The following SH3D19 variants were observed in gnomAD, a reference collection of about 807,000 sequenced individuals.
SH3D19 encodes SH3 domain-containing protein 19.
Under a neutral mutation model 112.1 loss-of-function variants are expected in SH3D19, and 58 were observed. That is an observed-to-expected ratio of 0.52 (90% CI 0.42 to 0.64). The LOEUF (loss-of-function observed/expected upper bound fraction) is 0.64, where lower values mean the gene tolerates loss of function less well. SH3D19 is among the 30% of genes least tolerant of loss of function. The probability of loss-of-function intolerance (pLI) is 0.00; values close to 1 mark genes in which losing one functional copy is unlikely to be tolerated. For missense variants in SH3D19, 1,090 were observed against 1,263.4 expected (o/e 0.86, Z 2.08); for synonymous variants, 391 against 448.5 (o/e 0.87, Z 1.62).
intron 2 of SH3D19, among the ~76,000 whole-genome samples, chr4:151,225,692 C>T (rs78465919): frequency 0.052 from 7,930 of 152,030 alleles, 322 homozygotes; most frequent in East Asian, 0.19. Context: ...TACAGTGAGC[C>T]TATATTAGTT....
intron 1 of SH3D19, among the ~76,000 whole-genome samples, chr4:151,294,500 A>G (rs1775565392): frequency 6.6e-6 from 1 of 152,248 alleles, no homozygotes; most frequent in Admixed American, 6.5e-5. Context: ...GGATGCACCA[A>G]GGGTAGGCAC....
chr4:151,155,930 C>T (rs751892370), intron 9 of SH3D19, among the ~76,000 whole-genome samples: 14 of 151,934 alleles, frequency 9.2e-5, no homozygotes, highest in Non-Finnish European at 1.8e-4. Context: ...CCTAAAGACT[C>T]TACCAAAAAA....
At chr4:151,275,091 GTT>G (rs11302117) in intron 1 of SH3D19, among the ~76,000 whole-genome samples, 1 of 146,154 alleles carries the variant, frequency 6.8e-6, no homozygotes, top group Admixed American at 6.8e-5. Context: ...TTCAAGATAC[GTT>G]TTTTTTTTTT....
intron 9 of SH3D19, among the ~76,000 whole-genome samples, chr4:151,153,833 A>G (rs2149787572): frequency 6.6e-6 from 1 of 152,370 alleles, no homozygotes; most frequent in Non-Finnish European, 1.5e-5. Context: ...CATGTGAGGA[A>G]CAAACACAAT....
chr4:151,138,733 C>CAA (rs1256364356), intron 13 of SH3D19, among the ~76,000 whole-genome samples: 1 of 147,858 alleles, frequency 6.8e-6, no homozygotes, highest in African/African-American at 2.6e-5. Flanking sequence ...CACACACACA[C>CAA]AAATTACTTT....
At chr4:151,291,377 G>A (rs1775324676) in intron 1 of SH3D19, 2 of 1,614,002 alleles carry the variant, frequency 1.2e-6, no homozygotes, top group East Asian at 4.5e-5. Flanking sequence ...CACAGAGTAG[G>A]CACTGTAGCT....
intron 17 of SH3D19, among the ~76,000 whole-genome samples, chr4:151,130,044 A>T (rs1318351392): frequency 6.6e-6 from 1 of 152,178 alleles, no homozygotes; most frequent in Non-Finnish European, 1.5e-5. Context: ...TCACTTTATC[A>T]GTGGGTAGGG....
rs1260049840 is a variant in SH3D19 at position 151,121,011 on chromosome 4, T to C, written c.*1080A>G. 2.0e-5 allele frequency: 3 copies of C among 152,710 alleles called. No individual in the cohort carries two copies. The highest frequency in any genetic ancestry group is 7.2e-5 in the African/African-American group (3 of 41,554). The allele number at this position is 152,710 out of a possible 1,614,324, so 9.5% of individuals were successfully genotyped here. On this transcript the variant is annotated 3_prime_UTR_variant, in exon 20 of 20. Transcript: ENST00000604030. ...ATAACAATGGAAAGCAGGAAAGTGG[T>C]TTTTCATTCACTCTAATAATTGTGC...
intron 1 of SH3D19, among the ~76,000 whole-genome samples, chr4:151,233,189 A>G (rs1443241592): frequency 6.6e-6 from 1 of 151,900 alleles, no homozygotes; most frequent in East Asian, 1.9e-4. Context: ...TTGCAGGAAA[A>G]CCAGCTCAGG....
At chr4:151,226,110 G>C in intron 1 of SH3D19, 24 bp from the exon 2 acceptor site, 1 of 1,231,360 alleles carries the variant, frequency 8.1e-7, no homozygotes, top group Non-Finnish European at 1.0e-6. Flanking sequence ...AGATGGTTAC[G>C]TGTCAAAAGG....
intron 1 of SH3D19, among the ~76,000 whole-genome samples, chr4:151,306,299 G>GA (rs1728907292): frequency 6.6e-6 from 1 of 152,088 alleles, no homozygotes; most frequent in African/African-American, 2.4e-5. Flanking sequence ...AATTAAAGAA[G>GA]AAAAGACTAC....
At chr4:151,290,081 G>A (rs1363832757) in intron 1 of SH3D19, among the ~76,000 whole-genome samples, 2 of 152,188 alleles carry the variant, frequency 1.3e-5, no homozygotes, top group Admixed American at 6.5e-5. Flanking sequence ...GAGTGGTTGG[G>A]ATGACAGGCA....
rs1018689828 is a variant in SH3D19 at position 151,153,240 on chromosome 4, A to C, written c.1756-3679T>G. Among the ~76,000 whole-genome samples, 12 of 152,142 alleles carry C rather than the reference A, an allele frequency of 7.9e-5. 1 individual carries two copies. The South Asian group carries it at 2.5e-3, about 32-fold the overall frequency. On this transcript the variant is annotated intron_variant, in intron 9 of 19. Coordinates refer to ENST00000604030, the MANE Select transcript of SH3D19 (RefSeq NM_001378122.1). ...TTCTTATCTTTTTTCTCCAAGAATTAGCACTACTTCTTTTTTTATTTTTTA... is the reference window on the plus strand; with the variant it reads ...TTCTTATCTTTTTTCTCCAAGAATTCGCACTACTTCTTTTTTTATTTTTTA...
rs182014055 is a variant in SH3D19, at chr4:151,275,411, T to C, written c.113-49325A>G. Among the ~76,000 whole-genome samples the C allele has an allele frequency of 3.7e-4, 56 of 152,250 alleles. 1 individual carries two copies. Among genetic ancestry groups the C allele is most frequent in the African/African-American group, 1.2e-3 (48 of 41,550 alleles). On this transcript the variant is annotated intron_variant, in intron 1 of 19. Coordinates refer to ENST00000604030, the MANE Select transcript of SH3D19 (RefSeq NM_001378122.1). ...CTCAAGATACATTTTTGAGGAGACATAATTCAGCTCAAAACAATAGCTTTA... is the reference window on the plus strand; with the variant it reads ...CTCAAGATACATTTTTGAGGAGACACAATTCAGCTCAAAACAATAGCTTTA...
chr4:151,132,421 C>T, intron 16 of SH3D19, 38 bp from the exon 17 acceptor site: 1 of 1,589,322 alleles, frequency 6.3e-7, no homozygotes, highest in Non-Finnish European at 8.6e-7. Context: ...GAAGTCAGAA[C>T]ATTAGATGTG....
At chr4:151,148,376 T>C (rs1217260940) in intron 10 of SH3D19, among the ~76,000 whole-genome samples, 190 bp from the exon 11 acceptor site, 1 of 152,106 alleles carries the variant, frequency 6.6e-6, no homozygotes, top group Non-Finnish European at 1.5e-5. Context: ...GCATTAAACA[T>C]TACATTATTA....
intron 2 of SH3D19, among the ~76,000 whole-genome samples, chr4:151,195,071 TAAA>T (rs35607961): frequency 8.1e-6 from 1 of 123,364 alleles, no homozygotes; most frequent in Non-Finnish European, 1.7e-5. Context: ...AAGACCATCT[TAAA>T]AAAAAAAAAA....
At position 151,226,691 on chromosome 4, in the gene SH3D19, C is replaced by T. The variant is rs188639239; in HGVS notation, c.113-605G>A. 2.4e-3 allele frequency: 373 copies of T among 155,668 alleles called. 1 individual carries two copies. Among genetic ancestry groups the T allele is most frequent in the Non-Finnish European group, 4.1e-3 (293 of 71,140 alleles). 9.6% of individuals were successfully genotyped at this position (155,668 alleles called of 1,614,324 possible). A position where few individuals can be genotyped will look rare whatever the true frequency, so the allele number is the denominator to read the frequency against. On this transcript the variant is annotated intron_variant, in intron 1 of 19. Coordinates refer to ENST00000604030, the MANE Select transcript of SH3D19 (RefSeq NM_001378122.1). Reference sequence around the variant, plus strand: ...GAAGGGAACTCTCATGGGTAGAAAGCAGGAATGTTGCTAAAGATCCTACAA... The same window carrying T: ...GAAGGGAACTCTCATGGGTAGAAAGTAGGAATGTTGCTAAAGATCCTACAA...
In SH3D19 at chr4:151,226,104, G is replaced by T; in HGVS notation, c.113-18C>A. ...GTTGCGATCTGTAGAGAAAGAAGAT[G>T]GTTACGTGTCAAAAGGTTCTTTAAA... On this transcript the variant is annotated intron_variant, in intron 1 of 19. Transcript: ENST00000604030. 8.1e-7 allele frequency: 1 copy of T among 1,231,480 alleles called. No individual in the cohort carries two copies. The highest frequency in any genetic ancestry group is 1.0e-6 in the Non-Finnish European group (1 of 987,464). The allele number at this position is 1,231,480 out of a possible 1,614,324, so 76.3% of individuals were successfully genotyped here. A position where few individuals can be genotyped will look rare whatever the true frequency, so the allele number is the denominator to read the frequency against.
Sources: allele counts gnomAD v4.1 joint callset (sites outside exome capture counted in the v4.1 genomes callset), GRCh38; gene constraint gnomAD v4.1.1; transcripts MANE v1.5; gene names NCBI Gene and HGNC (gene_info 2026-07-23, HGNC 2026-07-21).